Variants in CDH12 observed in about 807,000 individuals in gnomAD.
The protein encoded by CDH12 is cadherin-12.
In CDH12, 41 loss-of-function variants were observed where a neutral mutation model predicts 74.1. The observed-to-expected ratio is 0.55, with a 90% CI of 0.43 to 0.72. CDH12 has a LOEUF of 0.72. Ranked by LOEUF, CDH12 falls within the 30% of genes least tolerant of loss-of-function variation. The probability of loss-of-function intolerance (pLI) is 0.00; values close to 1 mark genes in which losing one functional copy is unlikely to be tolerated. For missense variants in CDH12, 945 were observed against 977.2 expected (o/e 0.97, Z 0.44); for synonymous variants, 399 against 355.0 (o/e 1.12, Z -1.39).
At chr5:22,474,648 GA>G (rs1746096979) in intron 2 of CDH12, among the ~76,000 whole-genome samples, 1 of 152,118 alleles carries the variant, frequency 6.6e-6, no homozygotes, top group Admixed American at 6.6e-5. Context: ...TGACCAGAGA[GA>G]CAGATAGCCT....
At chr5:22,636,834 CAA>C in intron 1 of CDH12, among the ~76,000 whole-genome samples, 2 of 152,212 alleles carry the variant, frequency 1.3e-5, no homozygotes, top group Admixed American at 1.3e-4. Flanking sequence ...AATTATATCT[CAA>C]TAAAATGTCT....
chr5:22,127,253 G>C (rs1489841430), intron 4 of CDH12, among the ~76,000 whole-genome samples: 9 of 152,000 alleles, frequency 5.9e-5, no homozygotes, highest in Non-Finnish European at 1.3e-4. Flanking sequence ...CAGCACTTTG[G>C]GGGGCCGAGA....
At chr5:21,853,593 T>C (rs1750590671) in intron 7 of CDH12, among the ~76,000 whole-genome samples, 1 of 151,680 alleles carries the variant, frequency 6.6e-6, no homozygotes, top group Non-Finnish European at 1.5e-5. Context: ...TCAGTAGACC[T>C]TAAGTTTCCA....
chr5:21,788,295 C>T (rs535456607), intron 10 of CDH12, among the ~76,000 whole-genome samples: 5 of 152,200 alleles, frequency 3.3e-5, no homozygotes, highest in Admixed American at 2.6e-4. Context: ...ATATGGAAAT[C>T]ATCCAAGAGG....
intron 6 of CDH12, among the ~76,000 whole-genome samples, chr5:21,858,960 TA>T (rs1173908401): frequency 2.0e-5 from 3 of 151,980 alleles, no homozygotes; most frequent in Non-Finnish European, 2.9e-5. Flanking sequence ...TTCCCTTACA[TA>T]TGTATCCCTT....
At chr5:21,997,734 A>T (rs1736382814) in intron 5 of CDH12, among the ~76,000 whole-genome samples, 1 of 152,150 alleles carries the variant, frequency 6.6e-6, no homozygotes, top group Non-Finnish European at 1.5e-5. Flanking sequence ...AGATATGAAA[A>T]TGTCAAATAA....
intron 4 of CDH12, among the ~76,000 whole-genome samples, chr5:22,189,934 G>A (rs967263917): frequency 2.9e-4 from 44 of 151,946 alleles, no homozygotes; most frequent in African/African-American, 1.0e-3. Flanking sequence ...TTCACAGCTG[G>A]TGAATGGACA....
intron 8 of CDH12, among the ~76,000 whole-genome samples, chr5:21,837,577 T>A (rs1447841294): frequency 2.0e-5 from 3 of 152,072 alleles, no homozygotes; most frequent in Non-Finnish European, 2.9e-5. Flanking sequence ...GACTTCCACA[T>A]TGAAAAGGAT....
At position 22,408,778 on chromosome 5, in the gene CDH12, T is replaced by A. The variant is rs1446646177; in HGVS notation, c.-427-3427A>T. Among the ~76,000 whole-genome samples, 3 of 151,930 alleles carry A rather than the reference T, an allele frequency of 2.0e-5. No individual in the cohort carries two copies. In the East Asian group the frequency reaches 5.8e-4, roughly 29 times the overall value. On this transcript the variant is annotated intron_variant, in intron 2 of 14. Coordinates refer to ENST00000382254, the MANE Select transcript of CDH12 (RefSeq NM_004061.5). The stretch of plus-strand genomic sequence containing the variant: ...GGAAAAAAATAGATTCCACCACATT[T>A]TAAAGACCTAAAATAATAAAATCAA...
intron 10 of CDH12, among the ~76,000 whole-genome samples, chr5:21,801,160 T>C (rs570800448): frequency 1.6e-4 from 24 of 152,330 alleles, no homozygotes; most frequent in Non-Finnish European, 2.6e-4. Context: ...TCCTGAGATG[T>C]CACTATATGC....
chr5:21,774,091 T>C (rs959597077), intron 11 of CDH12, among the ~76,000 whole-genome samples: 5 of 152,028 alleles, frequency 3.3e-5, no homozygotes, highest in Non-Finnish European at 5.9e-5. Flanking sequence ...AGGATGCAAA[T>C]CATTGTTCCT....
intron 2 of CDH12, among the ~76,000 whole-genome samples, chr5:22,494,744 A>C (rs1325816024): frequency 6.6e-6 from 1 of 152,186 alleles, no homozygotes; most frequent in Non-Finnish European, 1.5e-5. Context: ...AAAAGCTGGA[A>C]AAACAAAGAC....
chr5:21,761,309 A>G (rs746742509), intron 12 of CDH12, among the ~76,000 whole-genome samples: 8 of 152,174 alleles, frequency 5.3e-5, no homozygotes, highest in Non-Finnish European at 1.0e-4. Flanking sequence ...TGGTACTTCA[A>G]TAAAATGCCC....
At chr5:21,948,065 G>A (rs1212755377) in intron 6 of CDH12, among the ~76,000 whole-genome samples, 1 of 152,198 alleles carries the variant, frequency 6.6e-6, no homozygotes, top group Non-Finnish European at 1.5e-5. Context: ...CAGGTTGTAT[G>A]GAAATGCCTG....
chr5:22,436,332 C>G (rs1337666723), intron 2 of CDH12, among the ~76,000 whole-genome samples: 2 of 123,818 alleles, frequency 1.6e-5, no homozygotes, highest in Admixed American at 9.9e-5. Context: ...GGAGATAAAC[C>G]TAATGTAAAT....
rs201007205 is a variant in CDH12, at chr5:22,221,322, T to A, written c.-332-8679A>T. 2.6e-5 allele frequency among the ~76,000 whole-genome samples: 4 copies of A among 151,986 alleles called. No individual in the cohort carries two copies. The East Asian group carries it at 5.8e-4, about 22-fold the overall frequency. On this transcript the variant is annotated intron_variant, in intron 3 of 14. Coordinates refer to ENST00000382254, the MANE Select transcript of CDH12 (RefSeq NM_004061.5). ...ATTTAGCTATTCTTGGCCAATGTGG[T>A]TCGTCTGTATTCTCTCACTTTGTCC...
At chr5:21,844,597 TGTGA>T (rs1474726560) in intron 7 of CDH12, among the ~76,000 whole-genome samples, 4 of 152,306 alleles carry the variant, frequency 2.6e-5, no homozygotes, top group African/African-American at 4.8e-5. Flanking sequence ...AGGGCAGGGC[TGTGA>T]GTGTGATGGA....
At chr5:22,614,208 T>A (rs1453105619) in intron 1 of CDH12, among the ~76,000 whole-genome samples, 1 of 152,106 alleles carries the variant, frequency 6.6e-6, no homozygotes, top group African/African-American at 2.4e-5. Flanking sequence ...CAAGCTCTCA[T>A]TTGGACTTGT....
At chr5:22,296,407 G>A (rs1356598176) in intron 3 of CDH12, among the ~76,000 whole-genome samples, 1 of 151,888 alleles carries the variant, frequency 6.6e-6, no homozygotes, top group East Asian at 1.9e-4. Context: ...AGGATGTAAG[G>A]GTATCACTGG....
Sources: gnomAD v4.1 joint callset for allele counts (sites outside exome capture counted in the v4.1 genomes callset) on GRCh38, gnomAD v4.1.1 for gene constraint, MANE v1.5 for transcripts, NCBI Gene and HGNC (gene_info 2026-07-23, HGNC 2026-07-21) for gene names.